Variants in RNF214 observed in about 807,000 individuals in gnomAD.
RNF214 encodes ring finger protein 214.
RNF214 carries 25 observed loss-of-function variants against 75.9 expected under a neutral mutation model. The observed-to-expected ratio is 0.33, with a 90% confidence interval of 0.24 to 0.46. The LOEUF is 0.46. Ranked by LOEUF, RNF214 falls within the 20% of genes least tolerant of loss-of-function variation. RNF214 has a pLI of 1.00. For missense variants in RNF214, 725 were observed against 857.5 expected (o/e 0.85, Z 1.93); for synonymous variants, 314 against 308.8 (o/e 1.02, Z -0.18).
rs973556849 is a variant in RNF214, at chr11:117,269,177, G to A, written c.960-10731G>A. On this transcript the variant is annotated intron_variant, in intron 6 of 14. Transcript: ENST00000300650. Reference sequence around the variant, plus strand: ...CCCAGCAGCTGGGAGTCTGAGGGAGGAGGATTGCTTGAGGCCAGGAGTTTG... The same window carrying A: ...CCCAGCAGCTGGGAGTCTGAGGGAGAAGGATTGCTTGAGGCCAGGAGTTTG... 5.3e-5 allele frequency among the ~76,000 whole-genome samples: 8 copies of A among 152,142 alleles called. No homozygotes were observed. In the East Asian group the frequency reaches 1.5e-3, roughly 29 times the overall value.
chr11:117,236,633 A>G (rs1027407765), intron 2 of RNF214, among the ~76,000 whole-genome samples: 3 of 152,262 alleles, frequency 2.0e-5, no homozygotes, highest in Non-Finnish European at 2.9e-5. Flanking sequence ...ACTTAACTAC[A>G]GTTCCATACG....
intron 10 of RNF214, 36 bp downstream of exon 10, chr11:117,281,734 T>A (rs755776512): frequency 6.4e-7 from 1 of 1,557,644 alleles, no homozygotes; most frequent in Admixed American, 1.7e-5. Flanking sequence ...TTCACCTTTC[T>A]GTGTTGGTAG....
intron 2 of RNF214, among the ~76,000 whole-genome samples, chr11:117,238,377 C>T (rs2032969318): frequency 6.6e-6 from 1 of 152,166 alleles, no homozygotes; most frequent in Non-Finnish European, 1.5e-5. Context: ...TGCACTCTAG[C>T]TTGGGTGACA....
intron 14 of RNF214, among the ~76,000 whole-genome samples, chr11:117,283,948 C>T (rs1002911266): frequency 3.9e-5 from 6 of 152,158 alleles, no homozygotes; most frequent in Non-Finnish European, 7.3e-5. Flanking sequence ...TGAGCCAGTG[C>T]ACCTGGTCTC....
intron 8 of RNF214, 91 bp downstream of exon 8, chr11:117,280,350 G>A (rs2034102631): frequency 3.5e-6 from 3 of 851,486 alleles, no homozygotes; most frequent in Admixed American, 3.8e-5. Context: ...AGCTAGTCTG[G>A]CACTTATTCT....
At chr11:117,252,727 A>T (rs918669360) in intron 6 of RNF214, among the ~76,000 whole-genome samples, 1 of 151,682 alleles carries the variant, frequency 6.6e-6, no homozygotes, top group Non-Finnish European at 1.5e-5. Context: ...TCACTGTGTT[A>T]GCCAGGATGG....
At chr11:117,246,301 G>C (rs547853893) in intron 5 of RNF214, among the ~76,000 whole-genome samples, 3 of 151,334 alleles carry the variant, frequency 2.0e-5, no homozygotes, top group Admixed American at 6.6e-5. Flanking sequence ...AAAAGTGTGC[G>C]TTTGTACATA....
rs1457010022 is a variant in RNF214 at position 117,238,784 on chromosome 11, C to G, written c.291C>G (p.Ala97=). ...VVLGENLIAT[A]LCLSGSGSQS... ...TAGGAGAAAACTTGATAGCCACAGC[C>G]CTTTGTCTTTCTGGCAGTGGGTCTC... The change falls in exon 3 of 15, where the codon GCC becomes GCG. Residue 97 remains alanine (A), a synonymous_variant. Coordinates refer to ENST00000300650, the MANE Select transcript of RNF214 (RefSeq NM_207343.4). 1.2e-6 allele frequency: 2 copies of G among 1,614,174 alleles called. No individual in the cohort carries two copies. The highest frequency in any genetic ancestry group is 1.1e-5 in the South Asian group (1 of 91,086).
chr11:117,269,915 T>A (rs1322374702), intron 6 of RNF214, among the ~76,000 whole-genome samples: 1 of 152,178 alleles, frequency 6.6e-6, no homozygotes, highest in Non-Finnish European at 1.5e-5. Context: ...TACAATGGGT[T>A]TATTCGGATG....
At chr11:117,245,396 A>G (rs1214653226) in intron 5 of RNF214, among the ~76,000 whole-genome samples, 18 of 150,356 alleles carry the variant, frequency 1.2e-4, no homozygotes, top group South Asian at 2.1e-4. Context: ...CTGGAGTGCA[A>G]TGGCACAATC....
intron 6 of RNF214, 57 bp from the exon 7 acceptor site, chr11:117,279,851 T>C (rs918301625): frequency 3.1e-4 from 422 of 1,363,490 alleles, no homozygotes; most frequent in Non-Finnish European, 4.0e-4. Context: ...TGCCCTGGTA[T>C]CTCTCAACAA....
At chr11:117,233,499 A>T (rs1591813151) in intron 1 of RNF214, among the ~76,000 whole-genome samples, 1 of 152,278 alleles carries the variant, frequency 6.6e-6, no homozygotes, top group African/African-American at 2.4e-5. Flanking sequence ...CCACCTCCCA[A>T]GTATTTTGAT....
chr11:117,246,453 C>G (rs760728000), intron 5 of RNF214, among the ~76,000 whole-genome samples: 1 of 152,156 alleles, frequency 6.6e-6, no homozygotes, highest in African/African-American at 2.4e-5. Flanking sequence ...GTAACAGACC[C>G]TCCCTGGTAC....
rs1286851025 is a variant in RNF214, at chr11:117,282,100, G to T, written c.1542G>T (p.Leu514Phe). 1 of 1,614,014 alleles carries T rather than the reference G, an allele frequency of 6.2e-7. No homozygotes were observed. The highest frequency in any genetic ancestry group is 2.2e-5 in the East Asian group (1 of 44,870). ...CCCATGGCAGAAATAGCCCTGGCTT[G>T]GGTTCCCTTGTCAGCCCCCACGGTC... ...PGSHGRNSPG[L>F]GSLVSPHGPH... Residue 514 changes from leucine (L) to phenylalanine (F), a missense_variant, in exon 11 of 15, where the codon TTG becomes TTT. Coordinates refer to ENST00000300650, the MANE Select transcript of RNF214 (RefSeq NM_207343.4).
chr11:117,257,513 T>A (rs1195888584), intron 6 of RNF214, among the ~76,000 whole-genome samples: 1 of 152,220 alleles, frequency 6.6e-6, no homozygotes, highest in Non-Finnish European at 1.5e-5. Context: ...TATGGGACAT[T>A]CAAGTACTCA....
At chr11:117,244,640 C>T in intron 5 of RNF214, 55 bp downstream of exon 5, 1 of 1,382,374 alleles carries the variant, frequency 7.2e-7, no homozygotes, top group Non-Finnish European at 9.7e-7. Flanking sequence ...TCTGATCAAA[C>T]TTTAATTTTT....
Position 117,244,469 on chromosome 11 carries a change from C to A in RNF214, c.703C>A (p.Leu235Met). The change falls in exon 5 of 15, where the codon CTG becomes ATG. Residue 235 changes from leucine (L) to methionine (M), a missense_variant. Leu to Met is a conservative substitution (Grantham distance 15, BLOSUM62 2). This residue lies in a region of RNF214 where 362 missense variants were observed against 344.5 expected (regional missense o/e 1.05). Transcript: ENST00000300650. ...GGATAAAATGATGACAGAGAGAACCCTGTTGAAAGAGCGTTACCAGGAGGT... is the reference window on the plus strand; with the variant it reads ...GGATAAAATGATGACAGAGAGAACCATGTTGAAAGAGCGTTACCAGGAGGT... ...NLDKMMTERT[L>M]LKERYQEVLD... 1 of 1,611,686 alleles carries A rather than the reference C, an allele frequency of 6.2e-7. No homozygotes were observed. Among genetic ancestry groups the A allele is most frequent in the Non-Finnish European group, 8.5e-7 (1 of 1,179,032 alleles).
intron 6 of RNF214, among the ~76,000 whole-genome samples, chr11:117,249,098 A>AT (rs1423984427): frequency 1.3e-5 from 2 of 151,922 alleles, no homozygotes; most frequent in Admixed American, 6.6e-5. Context: ...AATTTTTTAA[A>AT]TTTTTTTATA....
chr11:117,244,036 C>T (rs2033147646), intron 4 of RNF214, among the ~76,000 whole-genome samples: 1 of 152,210 alleles, frequency 6.6e-6, no homozygotes, highest in Admixed American at 6.5e-5. Flanking sequence ...GGCTAAAGTG[C>T]AGTGGCACGA....
Sources: allele counts gnomAD v4.1 joint callset (sites outside exome capture counted in the v4.1 genomes callset), GRCh38; gene constraint gnomAD v4.1.1; regional missense constraint gnomAD v4.1.1; transcripts MANE v1.5; gene names NCBI Gene and HGNC (gene_info 2026-07-23, HGNC 2026-07-21).